MCM6: variants seen among roughly 807,000 people sequenced by gnomAD.
The protein encoded by MCM6 is minichromosome maintenance complex component 6, also known as DNA replication licensing factor MCM6.
In MCM6, 46 loss-of-function variants were observed where a neutral mutation model predicts 94.3. The observed-to-expected ratio is 0.49, with a 90% CI of 0.39 to 0.62. The LOEUF is 0.62. MCM6 is among the 20% of genes least tolerant of loss of function. The probability of loss-of-function intolerance (pLI) is 0.00; values close to 1 mark genes in which losing one functional copy is unlikely to be tolerated. For synonymous variants in MCM6, 335 were observed against 351.9 expected (o/e 0.95, Z 0.54); for missense variants, 865 against 1,017.9 (o/e 0.85, Z 2.04).
Position 135,868,842 on chromosome 2 carries a change from T to C in MCM6, c.384A>G (p.Ser128=), listed in dbSNP as rs771630537. 50 of 1,614,034 alleles carry C rather than the reference T, an allele frequency of 3.1e-5. No individual in the cohort carries two copies. Among genetic ancestry groups the C allele is most frequent in the Non-Finnish European group, 4.1e-5 (48 of 1,180,020 alleles). The change falls in exon 4 of 17, where the codon TCA becomes TCG. Residue 128 remains serine (S), a synonymous_variant. Transcript: ENST00000264156. ...PTRHKIRELT[S]SRIGLLTRIS... ...TGCGAGTGAGCAAACCAATTCTGGA[T>C]GAGGTGAGCTCTCGAATCCTGTTTA...
chr2:135,848,236 A>C (rs369135997), intron 13 of MCM6, 48 bp from the exon 14 acceptor site: 1 of 1,414,262 alleles, frequency 7.1e-7, no homozygotes, highest in Admixed American at 1.8e-5. Context: ...TTGATATACC[A>C]AACAGATTTT....
At chr2:135,875,437 G>A (rs1025879204) in intron 1 of MCM6, among the ~76,000 whole-genome samples, 18 of 152,002 alleles carry the variant, frequency 1.2e-4, no homozygotes, top group African/African-American at 4.3e-4. Context: ...AGTGCCACTG[G>A]ACTCTACACT....
chr2:135,866,459 T>C (rs1680096771), intron 5 of MCM6, 104 bp downstream of exon 5: 1 of 1,437,458 alleles, frequency 7.0e-7, no homozygotes, highest in African/African-American at 1.4e-5. Flanking sequence ...GTTCCTCAGC[T>C]TCTGATTGGT....
rs766711168 is a variant in MCM6 at position 135,840,569 on chromosome 2, G to GTATTGGTTA, written c.*257_*265dup. 6 of 333,186 alleles carry GTATTGGTTA rather than the reference G, an allele frequency of 1.8e-5. No homozygotes were observed. The highest frequency in any genetic ancestry group is 4.5e-5 in the Admixed American group (1 of 22,236). The allele number at this position is 333,186 out of a possible 1,614,324, so 20.6% of individuals were successfully genotyped here. A position where few individuals can be genotyped will look rare whatever the true frequency, so the allele number is the denominator to read the frequency against. ...CCTTTTCTTACACATGAAAACAAAG[G>GTATTGGTTA]TATTGGTTATAGAGACTACACATTA... On this transcript the variant is annotated 3_prime_UTR_variant, in exon 17 of 17. Coordinates refer to ENST00000264156, the MANE Select transcript of MCM6 (RefSeq NM_005915.6).
At chr2:135,869,325 C>T (rs1047658652) in intron 3 of MCM6, among the ~76,000 whole-genome samples, 8 of 148,568 alleles carry the variant, frequency 5.4e-5, no homozygotes, top group Admixed American at 2.0e-4. Flanking sequence ...TGTTTGAACC[C>T]GGGAGGTGGA....
intron 8 of MCM6, among the ~76,000 whole-genome samples, chr2:135,861,914 C>A (rs77206667): frequency 0.015 from 2,258 of 152,272 alleles, 57 homozygotes; most frequent in African/African-American, 0.052. Flanking sequence ...TGGCACCCGG[C>A]CAGTACATCC....
At chr2:135,848,640 T>G (rs1421767945) in intron 13 of MCM6, among the ~76,000 whole-genome samples, 3 of 152,074 alleles carry the variant, frequency 2.0e-5, no homozygotes, top group Non-Finnish European at 4.4e-5. Context: ...TCCCAGCACT[T>G]TGGAAGGCAG....
intron 12 of MCM6, among the ~76,000 whole-genome samples, chr2:135,852,163 C>A (rs1679789025): frequency 6.6e-6 from 1 of 152,168 alleles, no homozygotes; most frequent in Non-Finnish European, 1.5e-5. Context: ...GAGCCAACTG[C>A]AATCTCATGA....
intron 1 of MCM6, among the ~76,000 whole-genome samples, chr2:135,875,984 C>CG (rs1026745161): frequency 3.3e-5 from 5 of 152,214 alleles, no homozygotes; most frequent in Admixed American, 3.3e-4. Flanking sequence ...ACCAGGCTCG[C>CG]GGGGTGGTGA....
At chr2:135,872,341 G>A (rs309128) in intron 2 of MCM6, among the ~76,000 whole-genome samples, 76,138 of 151,908 alleles carry the variant, frequency 0.5, 23,204 homozygotes, top group Non-Finnish European at 0.7. Context: ...CCAGCTATTC[G>A]GGAGGCTGAC....
At chr2:135,852,452 A>G (rs746888763) in intron 12 of MCM6, among the ~76,000 whole-genome samples, 3 of 152,214 alleles carry the variant, frequency 2.0e-5, no homozygotes, top group Admixed American at 6.5e-5. Flanking sequence ...GAAAGATTCA[A>G]CTATTGATTT....
chr2:135,847,108 C>T (rs1679685332), intron 14 of MCM6, among the ~76,000 whole-genome samples: 1 of 152,022 alleles, frequency 6.6e-6, no homozygotes, highest in Non-Finnish European at 1.5e-5. Flanking sequence ...ATAAACTCTA[C>T]TAGTAAAGAC....
At position 135,862,710 on chromosome 2, in the gene MCM6, A is replaced by G; in HGVS notation, c.1117T>C (p.Phe373Leu). Reference protein sequence around the residue: ...EVKRGVLLMLFGGVPKTTGEG... With the variant: ...EVKRGVLLMLLGGVPKTTGEG... ...CCTGTTGTCTTTGGAACGCCACCAA[A>G]GAGCATCAGCAGGACACCCCGTTTT... Residue 373 changes from phenylalanine (F) to leucine (L), a missense_variant, in exon 8 of 17, where the codon TTT (phenylalanine) becomes CTT (leucine). Phe to Leu is a conservative substitution (Grantham distance 22). Transcript: ENST00000264156. The G allele has an allele frequency of 6.2e-7, 1 of 1,614,204 alleles. No individual in the cohort carries two copies. Among genetic ancestry groups the G allele is most frequent in the South Asian group, 1.1e-5 (1 of 91,080 alleles).
At chr2:135,848,253 A>G (rs1169241200) in intron 13 of MCM6, 65 bp from the exon 14 acceptor site, 8 of 1,199,920 alleles carry the variant, frequency 6.7e-6, no homozygotes, top group African/African-American at 3.0e-5. Flanking sequence ...TTTTCTCCCA[A>G]TGAAATCACA....
chr2:135,856,768 C>T lies in MCM6; in HGVS notation c.1586G>A (p.Arg529Gln). ...NINLSAPIMS[R>Q]FDLFFILVDE... Reference sequence around the variant, plus strand: ...CACAAGGATAAAGAAGAGATCGAATCGGGACATGATGGGAGCTGACAAATT... The same window carrying T: ...CACAAGGATAAAGAAGAGATCGAATTGGGACATGATGGGAGCTGACAAATT... The change falls in exon 11 of 17, where the codon CGA (arginine) becomes CAA (glutamine). Residue 529 changes from arginine to glutamine, a missense_variant. Physicochemically the swap from Arg to Gln is conservative, Grantham distance 43 (BLOSUM62 1). Around this residue, in one of 3 missense-constraint regions of MCM6, gnomAD observed 153 missense variants for 241.5 expected, o/e 0.63. Transcript: ENST00000264156. 1 of 1,614,092 alleles carries T rather than the reference C, an allele frequency of 6.2e-7. No individual in the cohort carries two copies. Among genetic ancestry groups the T allele is most frequent in the African/African-American group, 1.3e-5 (1 of 75,028 alleles).
intron 3 of MCM6, among the ~76,000 whole-genome samples, chr2:135,869,828 A>T (rs1184335700): frequency 1.3e-5 from 2 of 152,152 alleles, no homozygotes; most frequent in African/African-American, 2.4e-5. Flanking sequence ...CACTCCCTTT[A>T]CATCTAATCC....
chr2:135,873,208 C>CT (rs1680235930), intron 1 of MCM6, among the ~76,000 whole-genome samples: 1 of 152,192 alleles, frequency 6.6e-6, no homozygotes, highest in Non-Finnish European at 1.5e-5. Flanking sequence ...ACATCAGTGA[C>CT]TTGCTCCTCC....
In MCM6 at chr2:135,876,433, T is replaced by A. The variant is rs1445481465; in HGVS notation, c.-68A>T. 2.2e-6 allele frequency: 3 copies of A among 1,346,360 alleles called. No individual in the cohort carries two copies. The highest frequency in any genetic ancestry group is 3.0e-6 in the Non-Finnish European group (3 of 1,001,568). The allele number at this position is 1,346,360 out of a possible 1,614,324, so 83.4% of individuals were successfully genotyped here. On this transcript the variant is annotated 5_prime_UTR_variant, in exon 1 of 17. Transcript: ENST00000264156. ...CCACAAGTCGCTTTTTTCCAGACGC[T>A]GCAGCTTTGCGCGCGCCGCCGCCGC...
At position 135,868,796 on chromosome 2, in the gene MCM6, T is replaced by C; in HGVS notation, c.430A>G (p.Thr144Ala). Residue 144 changes from threonine (T) to alanine (A), a missense_variant, in exon 4 of 17, where the codon ACT (threonine) becomes GCT (alanine). By Grantham distance (58) the Thr-to-Ala change is moderately conservative. This residue lies in a region of MCM6 where 404 missense variants were observed against 451.9 expected (regional missense o/e 0.89). Coordinates refer to ENST00000264156, the MANE Select transcript of MCM6 (RefSeq NM_005915.6). The stretch of plus-strand genomic sequence containing the variant: ...ACAAGCTCTGGGTGAACTGGGTGAG[T>C]CCGCACCACCTGCCCACTGATGCGA... ...LTRISGQVVR[T>A]HPVHPELVSG... 3 of 1,614,078 alleles carry C rather than the reference T, an allele frequency of 1.9e-6. No homozygotes were observed. Among genetic ancestry groups the C allele is most frequent in the Non-Finnish European group, 2.5e-6 (3 of 1,180,002 alleles).
Sources: allele counts gnomAD v4.1 joint callset (sites outside exome capture counted in the v4.1 genomes callset), GRCh38; gene constraint gnomAD v4.1.1; regional missense constraint gnomAD v4.1.1; transcripts MANE v1.5; gene names NCBI Gene and HGNC (gene_info 2026-07-23, HGNC 2026-07-21).